Variants in HTRA4 observed in about 807,000 individuals in gnomAD.
HTRA4 encodes serine protease HTRA4.
A neutral mutation model predicts 49.1 loss-of-function variants in HTRA4; 46 were observed. The ratio of observed to expected loss-of-function variants is 0.94; its 90% CI spans 0.74 to 1.20. HTRA4 has a LOEUF of 1.20. Ranked by LOEUF, HTRA4 falls within the 50% of genes most tolerant of loss-of-function variation. The pLI is 0.00. For missense variants in HTRA4, 602 were observed against 636.9 expected (o/e 0.95, Z 0.59); for synonymous variants, 261 against 264.0 (o/e 0.99, Z 0.11).
chr8:38,985,903 A>G (rs983505127), intron 8 of HTRA4, among the ~76,000 whole-genome samples: 3 of 152,204 alleles, frequency 2.0e-5, no homozygotes, highest in African/African-American at 7.2e-5. Context: ...TTGCTGATAA[A>G]CAGAAATCAG....
At chr8:38,984,103 C>A (rs1298483488) in intron 8 of HTRA4, among the ~76,000 whole-genome samples, 1 of 151,994 alleles carries the variant, frequency 6.6e-6, no homozygotes, top group East Asian at 2.0e-4. Context: ...CAGGTTCAAG[C>A]AATTCTCCTG....
At chr8:38,979,160 A>G in intron 4 of HTRA4, 55 bp from the exon 5 acceptor site, 1 of 1,476,160 alleles carries the variant, frequency 6.8e-7, no homozygotes, top group East Asian at 2.3e-5. Flanking sequence ...TGTAAAGGAC[A>G]AGGGGGAATG....
intron 8 of HTRA4, 23 bp from the exon 9 acceptor site, chr8:38,987,913 T>C: frequency 6.5e-7 from 1 of 1,530,350 alleles, no homozygotes; most frequent in South Asian, 1.3e-5. Flanking sequence ...TTCATGATCC[T>C]CTTTTTTTTC....
rs1483915328 is a variant in HTRA4, at chr8:38,974,468, T to G, written c.205T>G (p.Cys69Gly). 2 of 1,531,868 alleles carry G rather than the reference T, an allele frequency of 1.3e-6. No homozygotes were observed. Among genetic ancestry groups the G allele is most frequent in the Admixed American group, 4.0e-5 (2 of 50,504 alleles). The allele number at this position is 1,531,868 out of a possible 1,614,324, so 94.9% of individuals were successfully genotyped here. A position where few individuals can be genotyped will look rare whatever the true frequency, so the allele number is the denominator to read the frequency against. ...GCCGGTGTTCGACCTGTGCCGCTGTTGCCGCGTCTGCCCCGCGGCCGAGCG... is the reference window on the plus strand; with the variant it reads ...GCCGGTGTTCGACCTGTGCCGCTGTGGCCGCGTCTGCCCCGCGGCCGAGCG... The part of the protein sequence containing the change: ...TTPVFDLCRC[C>G]RVCPAAEREV... Residue 69 changes from cysteine (C) to glycine (G), a missense_variant, in exon 1 of 9, where the codon TGC becomes GGC. Coordinates refer to ENST00000302495, the MANE Select transcript of HTRA4 (RefSeq NM_153692.4).
intron 6 of HTRA4, 131 bp downstream of exon 6, chr8:38,981,898 A>G (rs1835428961): frequency 7.6e-6 from 5 of 657,992 alleles, no homozygotes; most frequent in Non-Finnish European, 1.3e-5. Flanking sequence ...TCCAGGTTGG[A>G]GTGCAGTGGC....
chr8:38,974,715 A>G lies in HTRA4; in HGVS notation c.452A>G (p.Asn151Ser). ...KVPAVPVQWG[N>S]CGDTGTRSAG... Reference sequence around the variant, plus strand: ...CCGGCCGTGCCTGTGCAGTGGGGGAACTGCGGGGATACAGGTGAGCCGCGG... The same window carrying G: ...CCGGCCGTGCCTGTGCAGTGGGGGAGCTGCGGGGATACAGGTGAGCCGCGG... Residue 151 changes from asparagine to serine, a missense_variant, in exon 1 of 9, where the codon AAC (asparagine) becomes AGC (serine). Asn to Ser is a conservative substitution (Grantham distance 46). Transcript: ENST00000302495. 1 of 1,427,110 alleles carries G rather than the reference A, an allele frequency of 7.0e-7. No homozygotes were observed. Among genetic ancestry groups the G allele is most frequent in the East Asian group, 2.6e-5 (1 of 37,760 alleles). The allele number at this position is 1,427,110 out of a possible 1,614,324, so 88.4% of individuals were successfully genotyped here. A position where few individuals can be genotyped will look rare whatever the true frequency, so the allele number is the denominator to read the frequency against.
At chr8:38,981,797 G>GGTT in intron 6 of HTRA4, 30 bp downstream of exon 6, 1 of 1,338,016 alleles carries the variant, frequency 7.5e-7, no homozygotes, top group Non-Finnish European at 1.1e-6. Context: ...TTTTTTTTTT[G>GGTT]GTTTCGTCTT....
intron 8 of HTRA4, among the ~76,000 whole-genome samples, chr8:38,984,300 C>T (rs1835458929): frequency 6.6e-6 from 1 of 151,742 alleles, no homozygotes; most frequent in Non-Finnish European, 1.5e-5. Context: ...CACGCCTGGC[C>T]ATATTTTAGG....
chr8:38,974,411 C>T lies in HTRA4; in HGVS notation c.148C>T (p.Pro50Ser). 1 of 1,555,334 alleles carries T rather than the reference C, an allele frequency of 6.4e-7. No homozygotes were observed. The highest frequency in any genetic ancestry group is 2.4e-5 in the East Asian group (1 of 41,676). ...CPAVCQPTRC[P>S]ALPTCALGTT... is the part of the protein sequence containing the mutation. ...CGCGGTCTGCCAGCCCACGCGCTGCCCCGCGCTGCCCACCTGCGCGCTGGG... is the reference window on the plus strand; with the variant it reads ...CGCGGTCTGCCAGCCCACGCGCTGCTCCGCGCTGCCCACCTGCGCGCTGGG... The change falls in exon 1 of 9, where the codon CCC becomes TCC. Residue 50 changes from proline (P) to serine (S), a missense_variant. Pro to Ser is a moderately conservative substitution (Grantham distance 74, BLOSUM62 -1). Transcript: ENST00000302495.
rs771126408 is a variant in HTRA4 at position 38,983,074 on chromosome 8, T to A, written c.1268+26T>A. 28 of 1,477,114 alleles carry A rather than the reference T, an allele frequency of 1.9e-5. No homozygotes were observed. The East Asian group carries it at 2.0e-4, about 11-fold the overall frequency. 91.5% of individuals were successfully genotyped at this position (1,477,114 alleles called of 1,614,324 possible). ...GTAAGAGAAGTGAAGGCCTTTGTCA[T>A]CTACCTTTGCTTTTTCTAAATGTGT... On this transcript the variant is annotated intron_variant, in intron 8 of 8. Transcript: ENST00000302495.
At chr8:38,979,685 A>AT (rs1294173436) in intron 5 of HTRA4, among the ~76,000 whole-genome samples, 1 of 151,848 alleles carries the variant, frequency 6.6e-6, no homozygotes, top group Non-Finnish European at 1.5e-5. Context: ...TTATTTATTT[A>AT]TTTATTTATT....
rs182946954 is a variant in HTRA4 at position 38,982,585 on chromosome 8, G to T, written c.1172+30G>T. The T allele has an allele frequency of 5.6e-3, 9,053 of 1,609,626 alleles. 30 individuals carry two copies. The highest frequency in any genetic ancestry group is 6.6e-3 in the Non-Finnish European group (7,767 of 1,176,030). ...GCATGTGTTTGAATATGTCTGGGTT[G>T]TTTTTCAGAGGCAAAAACCATAGCT... On this transcript the variant is annotated intron_variant, in intron 7 of 8. Coordinates refer to ENST00000302495, the MANE Select transcript of HTRA4 (RefSeq NM_153692.4).
chr8:38,981,222 G>A (rs893211970), intron 5 of HTRA4, among the ~76,000 whole-genome samples: 4 of 150,772 alleles, frequency 2.7e-5, no homozygotes, highest in African/African-American at 9.7e-5. Flanking sequence ...TGGGACTACA[G>A]GCACCCGCCA....
At chr8:38,986,631 T>C (rs1034130348) in intron 8 of HTRA4, among the ~76,000 whole-genome samples, 30 of 152,346 alleles carry the variant, frequency 2.0e-4, no homozygotes, top group African/African-American at 6.7e-4. Context: ...TATTATTTTA[T>C]AGAGGAAGCA....
intron 8 of HTRA4, among the ~76,000 whole-genome samples, chr8:38,985,161 CT>C (rs773305917): frequency 0.011 from 1,474 of 130,632 alleles, 13 homozygotes; most frequent in African/African-American, 0.021. Context: ...TGTTGTACTT[CT>C]TTTTTTTTTT....
rs373659628 is a variant in HTRA4, at chr8:38,982,588, T to C, written c.1172+33T>C. The C allele has an allele frequency of 6.0e-5, 97 of 1,605,926 alleles. 1 individual carries two copies. In the East Asian group the frequency reaches 1.0e-3, roughly 17 times the overall value. On this transcript the variant is annotated intron_variant, in intron 7 of 8. Coordinates refer to ENST00000302495, the MANE Select transcript of HTRA4 (RefSeq NM_153692.4). ...TGTGTTTGAATATGTCTGGGTTGTT[T>C]TTCAGAGGCAAAAACCATAGCTGCA...
rs200212617 is a variant in HTRA4 at position 38,984,004 on chromosome 8, A to T, written c.1268+956A>T. On this transcript the variant is annotated intron_variant, in intron 8 of 8. Coordinates refer to ENST00000302495, the MANE Select transcript of HTRA4 (RefSeq NM_153692.4). ...TAGTAACTATTAATTATTCATTAAT[A>T]GTTTTTTTTTCTTTTGAGATGGAGT... Among the ~76,000 whole-genome samples, 32 of 53,862 alleles carry T rather than the reference A, an allele frequency of 5.9e-4. No individual in the cohort carries two copies. The East Asian group carries it at 0.02, about 33-fold the overall frequency. The allele number at this position is 53,862 out of a possible 152,430, so 35.3% of individuals were successfully genotyped here.
Position 38,988,081 on chromosome 8 carries a change from C to T in HTRA4, c.1414C>T (p.Pro472Ser), listed in dbSNP as rs757525622. The T allele has an allele frequency of 1.1e-5, 18 of 1,589,866 alleles. No individual in the cohort carries two copies. In the Admixed American group the frequency reaches 1.9e-4, roughly 17 times the overall value. Residue 472 changes from proline to serine, a missense_variant, in exon 9 of 9, where the codon CCT (proline) becomes TCT (serine). Transcript: ENST00000302495. ...AGATAATTTGCTCCTGACAGTCATA[C>T]CTGAAACAATCAATTAAATATCTTG... ...GKDNLLLTVI[P>S]ETIN
In HTRA4 at chr8:38,983,055, G is replaced by A; in HGVS notation, c.1268+7G>A. The A allele has an allele frequency of 6.3e-7, 1 of 1,590,342 alleles. No individual in the cohort carries two copies. Among genetic ancestry groups the A allele is most frequent in the Non-Finnish European group, 8.6e-7 (1 of 1,159,636 alleles). On this transcript the variant is annotated splice_region_variant and intron_variant, in intron 8 of 8. Coordinates refer to ENST00000302495, the MANE Select transcript of HTRA4 (RefSeq NM_153692.4). ...AAGGAACAGCTGCTCAAAGGTAAGA[G>A]AAGTGAAGGCCTTTGTCATCTACCT...
Sources: gnomAD v4.1 joint callset for allele counts (sites outside exome capture counted in the v4.1 genomes callset) on GRCh38, gnomAD v4.1.1 for gene constraint, MANE v1.5 for transcripts, NCBI Gene and HGNC (gene_info 2026-07-23, HGNC 2026-07-21) for gene names.